The following INPP5A variants were observed in gnomAD, a reference collection of about 807,000 sequenced individuals.
INPP5A encodes 43 kDa inositol polyphosphate 5-phophatase.
A neutral mutation model predicts 65.2 loss-of-function variants in INPP5A; 14 were observed. The ratio of observed to expected loss-of-function variants is 0.21; its 90% CI spans 0.14 to 0.34. The LOEUF is 0.34. Among genes scored for constraint, INPP5A ranks in the 10% least tolerant of loss-of-function variants. The pLI, the probability that INPP5A is intolerant of heterozygous loss-of-function variation, is 1.00. For synonymous variants in INPP5A, 207 were observed against 208.3 expected, an observed-to-expected ratio of 0.99 and a Z score of 0.05; for missense variants, 431 against 545.6, an observed-to-expected ratio of 0.79 and a Z score of 2.09.
intron 2 of INPP5A, among the ~76,000 whole-genome samples, chr10:132,614,193 C>G (rs899137768): frequency 6.6e-6 from 1 of 152,172 alleles, no homozygotes; most frequent in Non-Finnish European, 1.5e-5. Context: ...CTGGACGGCA[C>G]GATGGCTCAT....
intron 13 of INPP5A, among the ~76,000 whole-genome samples, chr10:132,780,357 G>A (rs968457949): frequency 1.3e-5 from 2 of 152,104 alleles, no homozygotes; most frequent in African/African-American, 2.4e-5. Flanking sequence ...GTCTGTTCTC[G>A]TTTGAACACT....
At chr10:132,779,499 G>A (rs1253883602) in intron 13 of INPP5A, among the ~76,000 whole-genome samples, 2 of 152,248 alleles carry the variant, frequency 1.3e-5, no homozygotes, top group Admixed American at 6.5e-5. Context: ...TGCTGCCGCT[G>A]CCAGGGCTCC....
chr10:132,652,574 G>A (rs2072591437), intron 4 of INPP5A, among the ~76,000 whole-genome samples: 1 of 152,216 alleles, frequency 6.6e-6, no homozygotes, highest in African/African-American at 2.4e-5. Flanking sequence ...GGAAGAGTGG[G>A]GCTCTGCTCC....
chr10:132,556,260 A>T (rs2071123512), intron 1 of INPP5A, among the ~76,000 whole-genome samples: 1 of 151,740 alleles, frequency 6.6e-6, no homozygotes, highest in African/African-American at 2.4e-5. Flanking sequence ...ACTGCTGTGA[A>T]ATTTGCTCCA....
chr10:132,593,488 T>C (rs2819713), intron 1 of INPP5A, among the ~76,000 whole-genome samples: 37,455 of 152,196 alleles, frequency 0.25, 5,462 homozygotes, highest in East Asian at 0.5. Flanking sequence ...ATATTCTCCT[T>C]CCTGAAGAAC....
At chr10:132,700,698 A>G (rs912484655) in intron 6 of INPP5A, among the ~76,000 whole-genome samples, 1 of 152,178 alleles carries the variant, frequency 6.6e-6, no homozygotes, top group Non-Finnish European at 1.5e-5. Context: ...GTTTGAACAC[A>G]TTTTGGAGGA....
chr10:132,576,714 G>A (rs760743190), intron 1 of INPP5A, among the ~76,000 whole-genome samples: 4 of 152,174 alleles, frequency 2.6e-5, no homozygotes, highest in Non-Finnish European at 4.4e-5. Flanking sequence ...TAAATAAATG[G>A]TTGTCACCTC....
chr10:132,697,951 T>A lies in INPP5A; in HGVS notation c.474+32T>A. On this transcript the variant is annotated intron_variant, in intron 6 of 15. Transcript: ENST00000368594. This position sits in a 1 kb window ranked among gnomAD's most constrained non-coding sequence, Gnocchi z 5.6. ...AGCGAGGCTTTCTCACTGACGTGTT[T>A]ACTTCTCAGAGTGAGCCAGTCAGAA... is the stretch of plus-strand genomic sequence containing the variant. 7.0e-7 allele frequency: 1 copy of A among 1,436,178 alleles called. No homozygotes were observed. 89.0% of individuals were successfully genotyped at this position (1,436,178 alleles called of 1,614,324 possible). A position where few individuals can be genotyped will look rare whatever the true frequency, so the allele number is the denominator to read the frequency against.
chr10:132,610,232 C>T (rs1243583300), intron 2 of INPP5A, among the ~76,000 whole-genome samples: 10 of 152,310 alleles, frequency 6.6e-5, no homozygotes, highest in African/African-American at 2.4e-4. Context: ...TGTGAGGGAC[C>T]GGAAAGGTCG....
At chr10:132,630,580 C>T (rs990504527) in intron 2 of INPP5A, among the ~76,000 whole-genome samples, 1 of 150,310 alleles carries the variant, frequency 6.7e-6, no homozygotes, top group Admixed American at 6.6e-5. Flanking sequence ...GAGAGGAAGA[C>T]GTCCATGAGG....
chr10:132,581,182 C>T (rs1236167045), intron 1 of INPP5A, among the ~76,000 whole-genome samples: 2 of 152,154 alleles, frequency 1.3e-5, no homozygotes, highest in South Asian at 2.1e-4. Flanking sequence ...TATTCTTCTC[C>T]GAACCAGAGG....
chr10:132,581,425 A>G (rs1012834918), intron 1 of INPP5A, among the ~76,000 whole-genome samples: 6 of 152,196 alleles, frequency 3.9e-5, no homozygotes, highest in Non-Finnish European at 5.9e-5. Context: ...TGAAGTGGCA[A>G]TGTCCTGGAG....
chr10:132,725,951 T>C (rs1456743815), intron 8 of INPP5A, among the ~76,000 whole-genome samples: 1 of 152,106 alleles, frequency 6.6e-6, no homozygotes, highest in Non-Finnish European at 1.5e-5. Flanking sequence ...GCAAGGGTTC[T>C]CGTGTTGCTT....
At chr10:132,713,984 G>A (rs560688552) in intron 8 of INPP5A, among the ~76,000 whole-genome samples, 7 of 152,246 alleles carry the variant, frequency 4.6e-5, no homozygotes, top group Admixed American at 2.6e-4. Context: ...CAGGAGCGGC[G>A]CGGTTCTTCC....
intron 11 of INPP5A, among the ~76,000 whole-genome samples, chr10:132,752,813 G>A (rs1846520072): frequency 1.3e-5 from 2 of 152,090 alleles, no homozygotes; most frequent in South Asian, 4.1e-4. Context: ...CACAGAGCAC[G>A]CCCCTGCTGT....
intron 9 of INPP5A, among the ~76,000 whole-genome samples, chr10:132,739,761 G>A (rs537808527): frequency 2.8e-4 from 42 of 152,320 alleles, no homozygotes; most frequent in Non-Finnish European, 5.1e-4. Context: ...ATCAAAGATC[G>A]TCAGGCTTGG....
intron 2 of INPP5A, among the ~76,000 whole-genome samples, chr10:132,619,569 C>T (rs1470781425): frequency 6.6e-6 from 1 of 152,196 alleles, no homozygotes; most frequent in East Asian, 1.9e-4. Context: ...CAGTGCACTG[C>T]TGGGGACTCT....
At chr10:132,773,013 G>A (rs981825272) in intron 12 of INPP5A, among the ~76,000 whole-genome samples, 12 of 152,268 alleles carry the variant, frequency 7.9e-5, no homozygotes, top group African/African-American at 2.7e-4. Context: ...CAGGTGGAGA[G>A]GACGCCCTGG....
chr10:132,650,088 C>T lies in INPP5A; in HGVS notation c.219-330C>T, dbSNP rs1455443140. Among the ~76,000 whole-genome samples, 1 of 152,192 alleles carries T rather than the reference C, an allele frequency of 6.6e-6. No homozygotes were observed. Among genetic ancestry groups the T allele is most frequent in the Non-Finnish European group, 1.5e-5 (1 of 68,036 alleles). On this transcript the variant is annotated intron_variant, in intron 3 of 15. Transcript: ENST00000368594. This position sits in a 1 kb window ranked among gnomAD's most constrained non-coding sequence, Gnocchi z 5.5. ...GACCAAGCGTGAGCTATCAGGAGAG[C>T]CCCCAGAGCTTGGAGTTGCGCTTCC...
Sources: gnomAD v4.1 joint callset for allele counts (sites outside exome capture counted in the v4.1 genomes callset) on GRCh38, gnomAD v4.1.1 for gene constraint, Gnocchi (gnomAD v3.1) non-coding constraint, MANE v1.5 for transcripts, NCBI Gene and HGNC (gene_info 2026-07-23, HGNC 2026-07-21) for gene names.